Variants in PDE11A observed in about 807,000 individuals in gnomAD.
The protein encoded by PDE11A is dual 3',5'-cyclic-AMP and -GMP phosphodiesterase 11A.
Under a neutral mutation model 100.5 loss-of-function variants are expected in PDE11A, and 100 were observed. The observed-to-expected ratio is 1.00, with a 90% CI of 0.85 to 1.18. The LOEUF (loss-of-function observed/expected upper bound fraction) is 1.18. Among genes scored for constraint, PDE11A ranks in the 50% most tolerant of loss-of-function variants. PDE11A has a pLI of 0.00. For missense variants in PDE11A, 1,141 were observed against 1,152.6 expected, an observed-to-expected ratio of 0.99 and a Z score of 0.15; for synonymous variants, 381 against 420.8, an observed-to-expected ratio of 0.91 and a Z score of 1.16.
intron 13 of PDE11A, among the ~76,000 whole-genome samples, chr2:177,703,404 T>A (rs1328515130): frequency 6.6e-6 from 1 of 152,162 alleles, no homozygotes; most frequent in Non-Finnish European, 1.5e-5. Context: ...CAGATTTGAA[T>A]CCAAGTTTTT....
At chr2:177,895,887 TCA>T (rs34602607) in intron 4 of PDE11A, among the ~76,000 whole-genome samples, 4,157 of 152,250 alleles carry the variant, frequency 0.027, 178 homozygotes, top group African/African-American at 0.095. Flanking sequence ...TATCAAAACA[TCA>T]CACTGTATAC....
chr2:177,851,664 G>T (rs1052898434), intron 5 of PDE11A, among the ~76,000 whole-genome samples: 5 of 152,146 alleles, frequency 3.3e-5, no homozygotes, highest in African/African-American at 9.7e-5. Context: ...TATATTGTGT[G>T]GTTTCATGCA....
At chr2:177,979,218 C>T (rs1301038327) in intron 2 of PDE11A, among the ~76,000 whole-genome samples, 1 of 150,748 alleles carries the variant, frequency 6.6e-6, no homozygotes, top group African/African-American at 2.4e-5. Context: ...CAATCCCTTG[C>T]TATTCCTGAA....
chr2:177,950,238 C>CT (rs1455370786), intron 2 of PDE11A, among the ~76,000 whole-genome samples: 2 of 148,350 alleles, frequency 1.3e-5, no homozygotes, highest in African/African-American at 4.9e-5. Context: ...TTTTTTTGCA[C>CT]CTTTTCCAGA....
intron 2 of PDE11A, among the ~76,000 whole-genome samples, chr2:177,983,510 GAATA>G (rs2085907630): frequency 6.6e-6 from 1 of 152,100 alleles, no homozygotes; most frequent in African/African-American, 2.4e-5. Context: ...GAATAAAGAT[GAATA>G]AAGATTACAT....
At chr2:178,010,304 T>C (rs1287778359) in intron 2 of PDE11A, among the ~76,000 whole-genome samples, 3 of 152,236 alleles carry the variant, frequency 2.0e-5, no homozygotes, top group African/African-American at 4.8e-5. Flanking sequence ...GTAGGCAACA[T>C]TGAAATTACT....
chr2:177,878,990 T>C (rs2084286643), intron 4 of PDE11A, among the ~76,000 whole-genome samples: 1 of 152,250 alleles, frequency 6.6e-6, no homozygotes. Context: ...GTTAATTGTT[T>C]CTGCATTTCA....
chr2:178,002,965 G>A (rs12993389), intron 2 of PDE11A, among the ~76,000 whole-genome samples: 8,457 of 152,188 alleles, frequency 0.056, 295 homozygotes, highest in South Asian at 0.093. Flanking sequence ...GACATCATTA[G>A]CCATCAGGGT....
chr2:177,946,267 C>T (rs1407534503), intron 2 of PDE11A, among the ~76,000 whole-genome samples: 144 of 129,520 alleles, frequency 1.1e-3, no homozygotes, highest in Non-Finnish European at 1.3e-3. Context: ...CCGCCCCGTC[C>T]GGGAGGGAGG....
At position 178,096,164 on chromosome 2, in the gene PDE11A, C is replaced by CTTTTTTTTTT. The variant is rs1257178630; in HGVS notation, c.162+8137_162+8138insAAAAAAAAAA. On this transcript the variant is annotated intron_variant, in intron 2 of 20. Coordinates refer to the PDE11A transcript ENST00000358450. Reference sequence around the variant, plus strand: ...TCCCCAGAAAACAGGTTTTTCTTTTCTTTTCTTTTTTTTTTTTGAGATGGA... The same window carrying CTTTTTTTTTT: ...TCCCCAGAAAACAGGTTTTTCTTTTCTTTTTTTTTTTTTTCTTTTTTTTTTTTGAGATGGA... 6.2e-3 allele frequency among the ~76,000 whole-genome samples: 681 copies of CTTTTTTTTTT among 110,000 alleles called. 41 individuals are homozygous for CTTTTTTTTTT. The highest frequency in any genetic ancestry group is 0.01 in the Non-Finnish European group (512 of 50,392). The allele number at this position is 110,000 out of a possible 152,430, so 72.2% of individuals were successfully genotyped here.
chr2:177,723,215 G>A (rs1388208829), intron 12 of PDE11A: 2 of 152,006 alleles, frequency 1.3e-5, no homozygotes, highest in Non-Finnish European at 2.9e-5. Flanking sequence ...TAAATAGGAT[G>A]GATTTTCTCC....
intron 9 of PDE11A, among the ~76,000 whole-genome samples, chr2:177,785,420 T>C (rs556649115): frequency 7.9e-5 from 12 of 152,330 alleles, no homozygotes; most frequent in East Asian, 3.9e-4. Context: ...GATGGCCGAA[T>C]AGGAACAGCT....
intron 18 of PDE11A, among the ~76,000 whole-genome samples, chr2:177,664,782 G>T (rs1227026486): frequency 6.6e-6 from 1 of 151,970 alleles, no homozygotes; most frequent in East Asian, 1.9e-4. Flanking sequence ...TAGAAGACTG[G>T]GCTATCTAGT....
chr2:177,929,737 T>C (rs557898691), intron 2 of PDE11A, among the ~76,000 whole-genome samples: 69 of 152,316 alleles, frequency 4.5e-4, no homozygotes, highest in African/African-American at 1.7e-3. Context: ...CTTAGAACTT[T>C]ATAAAGCTTT....
At chr2:177,984,329 A>T (rs995596231) in intron 2 of PDE11A, among the ~76,000 whole-genome samples, 8 of 152,366 alleles carry the variant, frequency 5.3e-5, no homozygotes, top group Non-Finnish European at 7.3e-5. Flanking sequence ...TTAAAAATAT[A>T]GAATGAATAC....
chr2:177,964,236 A>G (rs2085670220), intron 2 of PDE11A, among the ~76,000 whole-genome samples: 1 of 151,940 alleles, frequency 6.6e-6, no homozygotes, highest in Non-Finnish European at 1.5e-5. Flanking sequence ...TGCAACCTCA[A>G]GTTTTATTTT....
At chr2:178,048,461 G>T (rs1209358181) in intron 1 of PDE11A, among the ~76,000 whole-genome samples, 1 of 152,138 alleles carries the variant, frequency 6.6e-6, no homozygotes, top group Non-Finnish European at 1.5e-5. Context: ...CATGAGGAGA[G>T]ACTTCCCTTA....
rs568773669 is a variant in PDE11A, at chr2:177,788,033, C to T, written c.1738-18660G>A. 2.9e-3 allele frequency among the ~76,000 whole-genome samples: 434 copies of T among 152,004 alleles called. 2 individuals carry two copies. Among genetic ancestry groups the T allele is most frequent in the African/African-American group, 9.7e-3 (402 of 41,450 alleles). ...GAATTGAACTCAGCTCTGCACCAAG[C>T]GGACCTAATAGACATCCACAGAACT... is the stretch of plus-strand genomic sequence containing the variant. On this transcript the variant is annotated intron_variant, in intron 9 of 19. Transcript: ENST00000286063.
At chr2:177,637,314 C>A (rs1359453498) in intron 19 of PDE11A, among the ~76,000 whole-genome samples, 1 of 152,108 alleles carries the variant, frequency 6.6e-6, no homozygotes, top group Non-Finnish European at 1.5e-5. Flanking sequence ...AATTCCTTCC[C>A]TAGAGAACTA....
Sources: allele counts gnomAD v4.1 joint callset (sites outside exome capture counted in the v4.1 genomes callset), GRCh38; gene constraint gnomAD v4.1.1; transcripts MANE v1.5; gene names NCBI Gene and HGNC (gene_info 2026-07-23, HGNC 2026-07-21).